Variants in ITPKB observed in about 807,000 individuals in gnomAD.
ITPKB encodes IP3 3-kinase B.
A neutral mutation model predicts 69.4 loss-of-function variants in ITPKB; 13 were observed. That is an observed-to-expected ratio of 0.19 (90% CI 0.12 to 0.30). The LOEUF (loss-of-function observed/expected upper bound fraction) is 0.30. Among genes scored for constraint, ITPKB ranks in the 10% least tolerant of loss-of-function variants. The pLI, the probability that ITPKB is intolerant of heterozygous loss-of-function variation, is 1.00. For synonymous variants in ITPKB, 584 were observed against 513.7 expected, an observed-to-expected ratio of 1.14 and a Z score of -1.85; for missense variants, 1,240 against 1,250.5, an observed-to-expected ratio of 0.99 and a Z score of 0.13.
intron 7 of ITPKB, among the ~76,000 whole-genome samples, chr1:226,636,752 C>CTATG (rs1471387339): frequency 1.4e-5 from 2 of 139,990 alleles, no homozygotes; most frequent in African/African-American, 5.5e-5. Flanking sequence ...GACTGCAGCT[C>CTATG]TGTGTGTGTG....
At chr1:226,698,253 A>G (rs1656542082) in intron 2 of ITPKB, among the ~76,000 whole-genome samples, 1 of 152,240 alleles carries the variant, frequency 6.6e-6, no homozygotes, top group South Asian at 2.1e-4. Context: ...GTGAAAGATG[A>G]GAAAGGTCAC....
chr1:226,673,761 T>C (rs1311497821), intron 2 of ITPKB, among the ~76,000 whole-genome samples: 2 of 152,260 alleles, frequency 1.3e-5, no homozygotes, highest in East Asian at 3.8e-4. Context: ...CTTTATTATC[T>C]ATCTCCACAA....
At position 226,634,775 on chromosome 1, in the gene ITPKB, C is replaced by T. The variant is rs772579308; in HGVS notation, c.2737G>A (p.Asp913Asn). The change falls in exon 8 of 8, where the codon GAC becomes AAC. Residue 913 changes from aspartate (D) to asparagine (N), a missense_variant. Physicochemically the swap from Asp to Asn is conservative, Grantham distance 23. Coordinates refer to ENST00000429204, the MANE Select transcript of ITPKB (RefSeq NM_002221.4). This position sits in a 1 kb window ranked among gnomAD's most constrained non-coding sequence, Gnocchi z 6.3. The part of the protein sequence containing the change: ...PLPEGQTLQH[D>N]VPWQEGNRED... The stretch of plus-strand genomic sequence containing the variant: ...CGGTTCCCCTCCTGCCAGGGGACGT[C>T]ATGCTGCAGGGTCTGGCCCTCAGGC... 1.2e-5 allele frequency: 18 copies of T among 1,520,790 alleles called. 1 individual carries two copies. In the Admixed American group the frequency reaches 2.5e-4, roughly 21 times the overall value. The allele number at this position is 1,520,790 out of a possible 1,614,324, so 94.2% of individuals were successfully genotyped here.
intron 2 of ITPKB, among the ~76,000 whole-genome samples, chr1:226,727,898 A>T (rs137920485): frequency 6.6e-6 from 1 of 152,174 alleles, no homozygotes; most frequent in African/African-American, 2.4e-5. Flanking sequence ...AATAATCTTG[A>T]TGCCTATGTT....
At chr1:226,688,211 G>T (rs1302818916) in intron 2 of ITPKB, among the ~76,000 whole-genome samples, 1 of 152,188 alleles carries the variant, frequency 6.6e-6, no homozygotes, top group Admixed American at 6.5e-5. Flanking sequence ...GATCCCTGCA[G>T]CCCTGGAGGG....
In ITPKB at chr1:226,647,379, C is replaced by A; in HGVS notation, c.2034G>T (p.Gly678=). 2 of 1,612,134 alleles carry A rather than the reference C, an allele frequency of 1.2e-6. No individual in the cohort carries two copies. Among genetic ancestry groups the A allele is most frequent in the Non-Finnish European group, 1.7e-6 (2 of 1,178,768 alleles). ...YPWIQLAGHA[G]SFKAAANGRI... is the part of the protein sequence containing the mutation. ...TGCCATTGGCAGCTGCCTTGAAACT[C>A]CCTGGAGAGCAAGTGTAGAAGGTTC... Residue 678 remains glycine (G), a splice_region_variant and synonymous_variant, in exon 4 of 8, where the codon GGG becomes GGT. Transcript: ENST00000429204.
At chr1:226,640,692 G>A (rs1042708003) in intron 5 of ITPKB, among the ~76,000 whole-genome samples, 5 of 152,116 alleles carry the variant, frequency 3.3e-5, no homozygotes, top group East Asian at 3.9e-4. Flanking sequence ...GAAAGCGAGC[G>A]TTAAGGAGAA....
chr1:226,703,371 G>C (rs531763489), intron 2 of ITPKB, among the ~76,000 whole-genome samples: 1 of 152,230 alleles, frequency 6.6e-6, no homozygotes, highest in Non-Finnish European at 1.5e-5. Flanking sequence ...GCTCAGGCCC[G>C]GTTCCCACCG....
intron 2 of ITPKB, among the ~76,000 whole-genome samples, chr1:226,700,797 G>C (rs956209672): frequency 1.3e-5 from 2 of 152,112 alleles, no homozygotes; most frequent in Non-Finnish European, 2.9e-5. Flanking sequence ...AATGAGAAGG[G>C]AGTGGGGGCC....
intron 2 of ITPKB, among the ~76,000 whole-genome samples, chr1:226,728,249 C>T (rs1657481728): frequency 6.6e-6 from 1 of 152,154 alleles, no homozygotes; most frequent in Admixed American, 6.5e-5. Flanking sequence ...ATAAAAAATG[C>T]TGTATTGACT....
chr1:226,676,474 C>T, intron 2 of ITPKB: 1 of 152,254 alleles, frequency 6.6e-6, no homozygotes, highest in South Asian at 2.1e-4. Flanking sequence ...AATTCCCCTA[C>T]CGGTGTGACC....
At chr1:226,690,533 TAC>T in intron 2 of ITPKB, among the ~76,000 whole-genome samples, 5 of 102,246 alleles carry the variant, frequency 4.9e-5, no homozygotes, top group Non-Finnish European at 2.2e-5. Context: ...TCACTCCTCC[TAC>T]GTCAAGCACT....
intron 2 of ITPKB, among the ~76,000 whole-genome samples, chr1:226,660,428 G>C (rs1237952393): frequency 6.6e-6 from 1 of 152,178 alleles, no homozygotes; most frequent in Non-Finnish European, 1.5e-5. Context: ...CAAGAATCGA[G>C]GTGTCCTTCA....
Position 226,658,944 on chromosome 1 carries a change from G to A in ITPKB, c.1933-10173C>T, listed in dbSNP as rs535485242. 2.5e-4 allele frequency among the ~76,000 whole-genome samples: 38 copies of A among 152,242 alleles called. 1 individual carries two copies. The highest frequency in any genetic ancestry group is 6.0e-4 in the African/African-American group (25 of 41,538). On this transcript the variant is annotated intron_variant, in intron 2 of 7. Coordinates refer to ENST00000429204, the MANE Select transcript of ITPKB (RefSeq NM_002221.4). ...CTAGCTAAACTAGCTCCAGGTGAGC[G>A]CTCTGTCCCCTCCACACCCAATCAG...
intron 2 of ITPKB, among the ~76,000 whole-genome samples, chr1:226,733,378 G>A (rs1360834748): frequency 1.3e-5 from 2 of 152,186 alleles, no homozygotes; most frequent in Admixed American, 6.5e-5. Context: ...CTGGCCTTCT[G>A]TAGACAAAAT....
intron 2 of ITPKB, among the ~76,000 whole-genome samples, chr1:226,653,709 G>A (rs1328069998): frequency 3.9e-5 from 6 of 152,256 alleles, no homozygotes; most frequent in Admixed American, 3.9e-4. Flanking sequence ...GTAAAGGGCA[G>A]TGGAGTGGGC....
At chr1:226,700,681 C>T (rs1656616451) in intron 2 of ITPKB, among the ~76,000 whole-genome samples, 1 of 152,014 alleles carries the variant, frequency 6.6e-6, no homozygotes, top group Admixed American at 6.6e-5. Context: ...AGTGATTGGC[C>T]AGGCTAGGAT....
At chr1:226,681,405 T>A (rs759199740) in intron 2 of ITPKB, among the ~76,000 whole-genome samples, 2 of 152,220 alleles carry the variant, frequency 1.3e-5, no homozygotes, top group African/African-American at 4.8e-5. Flanking sequence ...TCTCTGAGCC[T>A]ACCATTATGC....
At chr1:226,729,918 G>A (rs1657538862) in intron 2 of ITPKB, among the ~76,000 whole-genome samples, 1 of 152,086 alleles carries the variant, frequency 6.6e-6, no homozygotes, top group Admixed American at 6.5e-5. Flanking sequence ...TTTTTAATAG[G>A]AAGCACAGAG....
Sources: gnomAD v4.1 joint callset for allele counts (sites outside exome capture counted in the v4.1 genomes callset) on GRCh38, gnomAD v4.1.1 for gene constraint, Gnocchi (gnomAD v3.1) non-coding constraint, MANE v1.5 for transcripts, NCBI Gene and HGNC (gene_info 2026-07-23, HGNC 2026-07-21) for gene names.